MINDY4: variants seen among roughly 807,000 people sequenced by gnomAD.
MINDY4 encodes MINDY lysine 48 deubiquitinase 4, also known as probable ubiquitin carboxyl-terminal hydrolase MINDY-4.
MINDY4 carries 68 observed loss-of-function variants against 87.0 expected under a neutral mutation model. That is an observed-to-expected ratio of 0.78 (90% confidence interval 0.64 to 0.96). The LOEUF is 0.96. Ranked by LOEUF, MINDY4 falls within the 40% of genes least tolerant of loss-of-function variation. The pLI, the probability that MINDY4 is intolerant of heterozygous loss-of-function variation, is 0.00. For missense variants in MINDY4, 919 were observed against 928.2 expected (o/e 0.99, Z 0.13); for synonymous variants, 379 against 363.2 (o/e 1.04, Z -0.50).
intron 5 of MINDY4, among the ~76,000 whole-genome samples, chr7:30,797,322 T>C (rs998698878): frequency 2.0e-5 from 3 of 152,070 alleles, no homozygotes; most frequent in African/African-American, 7.2e-5. Flanking sequence ...ATATAACATA[T>C]CTGAGGATTA....
chr7:30,797,315 TAAC>T (rs1787519014), intron 5 of MINDY4, among the ~76,000 whole-genome samples: 1 of 152,038 alleles, frequency 6.6e-6, no homozygotes, highest in Admixed American at 6.5e-5. Context: ...AGGAAATATA[TAAC>T]ATATCTGAGG....
intron 13 of MINDY4, among the ~76,000 whole-genome samples, chr7:30,861,360 C>T (rs576159556): frequency 1.3e-5 from 2 of 152,328 alleles, no homozygotes; most frequent in Admixed American, 6.5e-5. Flanking sequence ...ATGAACGCAT[C>T]GAGTCCACAG....
At chr7:30,805,297 CAGG>C (rs1357799959) in intron 5 of MINDY4, among the ~76,000 whole-genome samples, 1 of 152,060 alleles carries the variant, frequency 6.6e-6, no homozygotes, top group Non-Finnish European at 1.5e-5. Context: ...AGGCAGTTAG[CAGG>C]AGTAGGGGCA....
At chr7:30,872,092 G>A (rs1790122680) in intron 13 of MINDY4, 151 bp from the exon 14 acceptor site, 1 of 696,600 alleles carries the variant, frequency 1.4e-6, no homozygotes, top group Non-Finnish European at 2.5e-6. Context: ...AGCCTCCTCC[G>A]TGGAGGGCAC....
intron 17 of MINDY4, among the ~76,000 whole-genome samples, chr7:30,888,897 A>C (rs1001880335): frequency 2.6e-5 from 4 of 152,206 alleles, no homozygotes; most frequent in African/African-American, 9.7e-5. Flanking sequence ...GTGGTGACAC[A>C]GATGTTGTCT....
Position 30,857,563 on chromosome 7 carries a change from C to T in MINDY4, c.1678-1694C>T, listed in dbSNP as rs563703333. Among the ~76,000 whole-genome samples the T allele has an allele frequency of 9.5e-3, 1,053 of 111,234 alleles. 225 individuals carry two copies. Among genetic ancestry groups the T allele is most frequent in the Middle Eastern group, 0.023 (5 of 218 alleles). 73.0% of individuals were successfully genotyped at this position (111,234 alleles called of 152,430 possible). A position where few individuals can be genotyped will look rare whatever the true frequency, so the allele number is the denominator to read the frequency against. On this transcript the variant is annotated intron_variant, in intron 12 of 17. Transcript: ENST00000265299. Reference sequence around the variant, plus strand: ...TCTCGGCTCACTGCAAGCTCCGCCTCCCGGGTTCACGCCATTCTCCTGCCT... The same window carrying T: ...TCTCGGCTCACTGCAAGCTCCGCCTTCCGGGTTCACGCCATTCTCCTGCCT...
chr7:30,802,640 C>T (rs953033199), intron 5 of MINDY4, among the ~76,000 whole-genome samples: 1 of 152,104 alleles, frequency 6.6e-6, no homozygotes, highest in Non-Finnish European at 1.5e-5. Flanking sequence ...GTGATAGTAT[C>T]GTGAAACTTA....
At chr7:30,856,396 G>C (rs1411809265) in intron 12 of MINDY4, among the ~76,000 whole-genome samples, 2 of 152,022 alleles carry the variant, frequency 1.3e-5, no homozygotes, top group African/African-American at 4.8e-5. Flanking sequence ...CCTCAAGCAG[G>C]GTTCTTCCCC....
chr7:30,864,523 T>G (rs1789868153), intron 13 of MINDY4, among the ~76,000 whole-genome samples: 1 of 152,256 alleles, frequency 6.6e-6, no homozygotes, highest in Non-Finnish European at 1.5e-5. Context: ...CTCTTCACTT[T>G]TGGCTCCTCT....
chr7:30,825,150 CT>C lies in MINDY4; in HGVS notation c.1074-3524del, dbSNP rs370968768. 2.6e-5 allele frequency among the ~76,000 whole-genome samples: 4 copies of C among 152,324 alleles called. No homozygotes were observed. The South Asian group carries it at 8.3e-4, about 32-fold the overall frequency. On this transcript the variant is annotated intron_variant, in intron 5 of 17. Coordinates refer to ENST00000265299, the MANE Select transcript of MINDY4 (RefSeq NM_032222.3). The stretch of plus-strand genomic sequence containing the variant: ...AAGTGTTTTGAGTCCCTTGATTTAT[CT>C]TTTTGTCATTGTTGTTCAGAATAGT...
At chr7:30,791,118 A>C in intron 4 of MINDY4, 47 bp from the exon 5 acceptor site, 4 of 1,514,572 alleles carry the variant, frequency 2.6e-6, no homozygotes, top group Non-Finnish European at 3.6e-6. Context: ...TTTGTTTTCC[A>C]GCTCCCCTCA....
chr7:30,890,932 G>A (rs1368610634), intron 17 of MINDY4, among the ~76,000 whole-genome samples: 4 of 152,130 alleles, frequency 2.6e-5, no homozygotes, highest in Non-Finnish European at 5.9e-5. Context: ...AGGAATCCTC[G>A]ACTTTCTGGA....
chr7:30,817,407 T>A (rs1419729616), intron 5 of MINDY4, among the ~76,000 whole-genome samples: 9 of 143,578 alleles, frequency 6.3e-5, no homozygotes, highest in African/African-American at 8.3e-5. Context: ...ATTAAAAAAA[T>A]TTTTTTTAGT....
At chr7:30,851,945 T>C (rs1028041812) in intron 10 of MINDY4, among the ~76,000 whole-genome samples, 1 of 152,218 alleles carries the variant, frequency 6.6e-6, no homozygotes, top group African/African-American at 2.4e-5. Context: ...CTGCCAGGGC[T>C]TGGGTTTGGG....
At chr7:30,794,432 G>T (rs1196348438) in intron 5 of MINDY4, among the ~76,000 whole-genome samples, 1 of 152,162 alleles carries the variant, frequency 6.6e-6, no homozygotes, top group Non-Finnish European at 1.5e-5. Context: ...AGGAGAGGGA[G>T]CTACTTGGGG....
intron 14 of MINDY4, among the ~76,000 whole-genome samples, chr7:30,874,390 A>G (rs1338254422): frequency 6.6e-6 from 1 of 152,224 alleles, no homozygotes; most frequent in Non-Finnish European, 1.5e-5. Flanking sequence ...CTCTGGCCCT[A>G]ATGGGCTGTG....
Position 30,853,976 on chromosome 7 carries a change from G to GCC in MINDY4, c.1677+523_1677+524dup, listed in dbSNP as rs112867962. Reference sequence around the variant, plus strand: ...GGCTGCTCTGGGTGGGGGCTCTGGAGCCCCCCCGCCTGCCAGAGGAGAGCT... The same window carrying GCC: ...GGCTGCTCTGGGTGGGGGCTCTGGAGCCCCCCCCCGCCTGCCAGAGGAGAGCT... On this transcript the variant is annotated intron_variant, in intron 12 of 17. Transcript: ENST00000265299. Among the ~76,000 whole-genome samples, 108 of 151,994 alleles carry GCC rather than the reference G, an allele frequency of 7.1e-4. 1 individual carries two copies. Among genetic ancestry groups the GCC allele is most frequent in the African/African-American group, 2.3e-3 (97 of 41,482 alleles).
At chr7:30,855,441 C>T (rs937857474) in intron 12 of MINDY4, among the ~76,000 whole-genome samples, 4 of 152,108 alleles carry the variant, frequency 2.6e-5, no homozygotes, top group African/African-American at 9.7e-5. Context: ...GCCAGGGTGG[C>T]CAGGAATGGG....
chr7:30,856,096 G>A (rs1207530348), intron 12 of MINDY4, among the ~76,000 whole-genome samples: 1 of 152,136 alleles, frequency 6.6e-6, no homozygotes, highest in East Asian at 1.9e-4. Context: ...GCTGGAGGAT[G>A]CCCCCACCTC....
Sources: gnomAD v4.1 joint callset for allele counts (sites outside exome capture counted in the v4.1 genomes callset) on GRCh38, gnomAD v4.1.1 for gene constraint, MANE v1.5 for transcripts, NCBI Gene and HGNC (gene_info 2026-07-23, HGNC 2026-07-21) for gene names.